The following FAM107B variants were observed in gnomAD, a reference collection of about 807,000 sequenced individuals.
FAM107B encodes family with sequence similarity 107 member B.
FAM107B carries 21 observed loss-of-function variants against 31.5 expected under a neutral mutation model. That is an observed-to-expected ratio of 0.67 (90% CI 0.47 to 0.96). The LOEUF (loss-of-function observed/expected upper bound fraction) is 0.96, where lower values mean the gene tolerates loss of function less well. Ranked by LOEUF, FAM107B falls within the 40% of genes least tolerant of loss-of-function variation. FAM107B has a pLI of 0.00. For synonymous variants in FAM107B, 157 were observed against 141.5 expected, an observed-to-expected ratio of 1.11 and a Z score of -0.78; for missense variants, 452 against 377.1, an observed-to-expected ratio of 1.20 and a Z score of -1.64.
chr10:14,580,134 T>C (rs939998983), intron 2 of FAM107B, among the ~76,000 whole-genome samples: 3 of 151,188 alleles, frequency 2.0e-5, no homozygotes, highest in Non-Finnish European at 4.4e-5. Context: ...CCCAGGTGGG[T>C]GGATCATGAG....
chr10:14,590,983 CCATCTCAAAA>C (rs1564590263), intron 2 of FAM107B, among the ~76,000 whole-genome samples: 1 of 86,230 alleles, frequency 1.2e-5, no homozygotes, highest in African/African-American at 3.8e-5. Flanking sequence ...GAGCAAAACT[CCATCTCAAAA>C]AAAAAAAAAA....
Position 14,672,104 on chromosome 10 carries a change from A to T in FAM107B, c.412-4413T>A, listed in dbSNP as rs77785857. On this transcript the variant is annotated intron_variant, in intron 1 of 4. Coordinates refer to ENST00000181796, the MANE Select transcript of FAM107B (RefSeq NM_031453.4). ...CTTTCTTTTTATTTTTTATTTATTT[A>T]TTTTTTTTTTTGAGGCAAAGTCTTG... 1.5e-3 allele frequency among the ~76,000 whole-genome samples: 218 copies of T among 142,284 alleles called. 1 individual carries two copies. Among genetic ancestry groups the T allele is most frequent in the African/African-American group, 4.6e-3 (180 of 39,384 alleles). The allele number at this position is 142,284 out of a possible 152,430, so 93.3% of individuals were successfully genotyped here.
intron 2 of FAM107B, among the ~76,000 whole-genome samples, chr10:14,579,389 G>A (rs533701601): frequency 2.0e-5 from 3 of 152,308 alleles, no homozygotes; most frequent in Admixed American, 6.5e-5. Context: ...CAGTTACCCG[G>A]TTGCTGTAAA....
At chr10:14,572,341 G>A (rs1254767075) in intron 2 of FAM107B, 1 of 985,204 alleles carries the variant, frequency 1.0e-6, no homozygotes, top group East Asian at 1.1e-4. Context: ...GCCCTGGGTG[G>A]GTACCAGGTT....
chr10:14,653,526 C>T (rs1853956205), intron 2 of FAM107B, among the ~76,000 whole-genome samples: 2 of 152,180 alleles, frequency 1.3e-5, no homozygotes, highest in Non-Finnish European at 2.9e-5. Context: ...GAGAAAAGCC[C>T]ATGGTTCGGG....
chr10:14,541,476 G>A (rs552930120), intron 2 of FAM107B, among the ~76,000 whole-genome samples: 2 of 152,198 alleles, frequency 1.3e-5, no homozygotes, highest in African/African-American at 2.4e-5. Context: ...ATTTCCTCCT[G>A]GGCAGAAATC....
At chr10:14,582,954 C>T (rs779266533) in intron 2 of FAM107B, among the ~76,000 whole-genome samples, 15 of 151,946 alleles carry the variant, frequency 9.9e-5, no homozygotes, top group Middle Eastern at 3.4e-3. Context: ...GGCAGAGTGG[C>T]GTGCCCCTAT....
At chr10:14,704,269 C>CTGTGTGTGTGTGTGTG (rs113899632) in intron 1 of FAM107B, among the ~76,000 whole-genome samples, 88 of 148,238 alleles carry the variant, frequency 5.9e-4, no homozygotes, top group Non-Finnish European at 8.7e-4. Context: ...GTAAATTGCT[C>CTGTGTGTGTGTGTGTG]TGTGTGTGTG....
intron 2 of FAM107B, among the ~76,000 whole-genome samples, chr10:14,648,267 T>TG (rs1253703676): frequency 1.3e-5 from 2 of 152,146 alleles, no homozygotes; most frequent in South Asian, 2.1e-4. Flanking sequence ...ACCGAACTGC[T>TG]GGGGTCGAAC....
chr10:14,625,215 G>A (rs1196122183), intron 2 of FAM107B, among the ~76,000 whole-genome samples: 5 of 143,820 alleles, frequency 3.5e-5, no homozygotes, highest in Admixed American at 7.4e-5. Context: ...GACAGAGTAA[G>A]ACTGTCTCAG....
chr10:14,578,792 A>G (rs183022741), intron 2 of FAM107B, among the ~76,000 whole-genome samples: 1 of 152,210 alleles, frequency 6.6e-6, no homozygotes, highest in African/African-American at 2.4e-5. Context: ...TATGCATACC[A>G]TTCCTGGCAA....
intron 2 of FAM107B, among the ~76,000 whole-genome samples, chr10:14,614,676 C>CAAA (rs576366601): frequency 8.9e-5 from 5 of 56,288 alleles, no homozygotes; most frequent in Admixed American, 4.2e-4. Flanking sequence ...GACTCTGTCT[C>CAAA]AAAAAAAAAA....
intron 2 of FAM107B, among the ~76,000 whole-genome samples, chr10:14,640,690 G>A (rs1315016170): frequency 6.6e-6 from 1 of 152,146 alleles, no homozygotes; most frequent in African/African-American, 2.4e-5. Flanking sequence ...TTTGACAACT[G>A]GGATGATAGA....
rs570584678 is a variant in FAM107B at position 14,527,416 on chromosome 10, T to G, written c.653+2916A>C. Among the ~76,000 whole-genome samples the G allele has an allele frequency of 2.3e-4, 35 of 152,374 alleles. No individual in the cohort carries two copies. The South Asian group carries it at 6.6e-3, about 29-fold the overall frequency. ...GTGGGTACTTGTTCTCTTAAGTTCT[T>G]GTTCTCAGCCTGTAACACATAATCT... On this transcript the variant is annotated intron_variant, in intron 3 of 4. Transcript: ENST00000181796.
chr10:14,558,477 GT>G lies in FAM107B; in HGVS notation c.470-27963del, dbSNP rs544087869. On this transcript the variant is annotated intron_variant, in intron 2 of 4. Transcript: ENST00000181796. ...AAAGGTAACTTATTCACAAAGCACC[GT>G]TTGAATTATTATACAGCCAAAAGAA... 3.5e-3 allele frequency among the ~76,000 whole-genome samples: 537 copies of G among 152,298 alleles called. 5 individuals are homozygous for G. Among genetic ancestry groups the G allele is most frequent in the Admixed American group, 4.2e-3 (65 of 15,300 alleles).
intron 3 of FAM107B, among the ~76,000 whole-genome samples, chr10:14,522,641 C>T (rs1278712115): frequency 1.3e-5 from 2 of 152,088 alleles, no homozygotes; most frequent in Non-Finnish European, 2.9e-5. Context: ...GTCTGAAACT[C>T]CTGACCTCGG....
chr10:14,600,199 G>A (rs546243256), intron 2 of FAM107B, among the ~76,000 whole-genome samples: 1 of 152,278 alleles, frequency 6.6e-6, no homozygotes, highest in South Asian at 2.1e-4. Flanking sequence ...CCTCACTTCT[G>A]GAATCCAGGC....
chr10:14,675,890 A>C (rs1410773283), intron 1 of FAM107B, among the ~76,000 whole-genome samples: 2 of 152,152 alleles, frequency 1.3e-5, no homozygotes, highest in African/African-American at 4.8e-5. Flanking sequence ...CGGTGCAGTG[A>C]ATCACGCCTG....
intron 2 of FAM107B, among the ~76,000 whole-genome samples, chr10:14,561,226 G>T (rs1850213048): frequency 6.6e-6 from 1 of 152,238 alleles, no homozygotes; most frequent in Admixed American, 6.5e-5. Flanking sequence ...AGCAGCAAAG[G>T]ACACAAAGCC....
Sources: gnomAD v4.1 joint callset for allele counts (sites outside exome capture counted in the v4.1 genomes callset) on GRCh38, gnomAD v4.1.1 for gene constraint, MANE v1.5 for transcripts, NCBI Gene and HGNC (gene_info 2026-07-23, HGNC 2026-07-21) for gene names.